SPATA21: variants seen among roughly 807,000 people sequenced by gnomAD.
SPATA21 encodes the protein spermatogenesis-associated protein 21.
SPATA21 carries 47 observed loss-of-function variants against 54.8 expected under a neutral mutation model. The observed-to-expected ratio is 0.86, with a 90% CI of 0.68 to 1.09. The LOEUF (loss-of-function observed/expected upper bound fraction) is 1.09, where lower values mean the gene tolerates loss of function less well. Among genes scored for constraint, SPATA21 ranks in the 50% least tolerant of loss-of-function variants. The probability of loss-of-function intolerance (pLI) is 0.00; values close to 1 mark genes in which losing one functional copy is unlikely to be tolerated. For missense variants in SPATA21, 599 were observed against 596.4 expected, an observed-to-expected ratio of 1.00 and a Z score of -0.05; for synonymous variants, 245 against 235.3, an observed-to-expected ratio of 1.04 and a Z score of -0.38.
At position 16,398,794 on chromosome 1, in the gene SPATA21, G is replaced by A. The variant is rs1283913326; in HGVS notation, c.1381C>T (p.Leu461Phe). 6.2e-7 allele frequency: 1 copy of A among 1,613,602 alleles called. No homozygotes were observed. Among genetic ancestry groups the A allele is most frequent in the African/African-American group, 1.3e-5 (1 of 74,896 alleles). The change falls in exon 13 of 13, where the codon CTC becomes TTC. Residue 461 changes from leucine to phenylalanine, a missense_variant. Physicochemically the swap from Leu to Phe is conservative, Grantham distance 22. Coordinates refer to ENST00000335496, the MANE Select transcript of SPATA21 (RefSeq NM_198546.1). Reference protein sequence around the residue: ...REHNSDSRKWLSSVPARTH With the variant: ...REHNSDSRKWFSSVPARTH ...TGGGTTCGAGCTGGCACAGAGCTGA[G>A]CCACTTTCTGCTGTCAGAGTTGTGT...
At chr1:16,432,114 C>CTTTT (rs35240103) in intron 2 of SPATA21, among the ~76,000 whole-genome samples, 12 of 133,098 alleles carry the variant, frequency 9.0e-5, no homozygotes, top group Non-Finnish European at 1.1e-4. Context: ...TCTTCTTCTT[C>CTTTT]TTTTTTTTTT....
intron 1 of SPATA21, among the ~76,000 whole-genome samples, chr1:16,436,504 G>A (rs1203787810): frequency 1.3e-5 from 2 of 151,826 alleles, no homozygotes; most frequent in East Asian, 1.9e-4. Flanking sequence ...GGTGGCTCAC[G>A]CCTGTAATCC....
chr1:16,409,981 G>C lies in SPATA21; in HGVS notation c.207C>G (p.Pro69=), dbSNP rs748253099. The C allele has an allele frequency of 2.2e-5, 35 of 1,604,964 alleles. No homozygotes were observed. Among genetic ancestry groups the C allele is most frequent in the Non-Finnish European group, 3.0e-5 (35 of 1,175,768 alleles). ...GGCTCTGTGTCCCTGCAGCCACCGCGGGCTTCTGAGGCTGCTGCTGCGCAC... is the reference window on the plus strand; with the variant it reads ...GGCTCTGTGTCCCTGCAGCCACCGCCGGCTTCTGAGGCTGCTGCTGCGCAC... The part of the protein sequence containing the change: ...PDRAQQQPQK[P]AVAAGTQSLG... The change falls in exon 6 of 13, where the codon CCC becomes CCG. Residue 69 remains proline, a synonymous_variant. Transcript: ENST00000335496. This position sits in a 1 kb window ranked among gnomAD's most constrained non-coding sequence, Gnocchi z 4.1.
intron 1 of SPATA21, among the ~76,000 whole-genome samples, chr1:16,435,802 G>A (rs1033522675): frequency 6.6e-6 from 1 of 151,810 alleles, no homozygotes; most frequent in Non-Finnish European, 1.5e-5. Flanking sequence ...ATTTATACTG[G>A]GTTGTCTTTT....
At chr1:16,435,659 A>T (rs1057101034) in intron 1 of SPATA21, among the ~76,000 whole-genome samples, 1 of 148,930 alleles carries the variant, frequency 6.7e-6, no homozygotes, top group African/African-American at 2.5e-5. Context: ...CTCTGTCCAC[A>T]GGCTGGACTG....
downstream of SPATA21, chr1:16,397,280 C>G (rs1212043913): frequency 6.6e-6 from 1 of 152,294 alleles, no homozygotes; most frequent in Non-Finnish European, 1.5e-5. This position sits in a 1 kb window ranked among gnomAD's most constrained non-coding sequence, Gnocchi z 5.4. Context: ...GTGCCTGTCA[C>G]CACCCACCAG....
chr1:16,406,361 TG>T (rs2085641383), intron 7 of SPATA21, among the ~76,000 whole-genome samples: 1 of 152,186 alleles, frequency 6.6e-6, no homozygotes, highest in South Asian at 2.1e-4. Flanking sequence ...TGCCTGTGTT[TG>T]AAGATAGGGC....
At chr1:16,420,521 G>GGAAA (rs752725922) in intron 5 of SPATA21, among the ~76,000 whole-genome samples, 8 of 152,010 alleles carry the variant, frequency 5.3e-5, no homozygotes, top group East Asian at 1.9e-4. Flanking sequence ...TCAAAAAAAA[G>GGAAA]GAAAGAAAGA....
chr1:16,423,159 G>GA (rs1487491955), intron 3 of SPATA21, among the ~76,000 whole-genome samples: 2 of 128,586 alleles, frequency 1.6e-5, no homozygotes, highest in Non-Finnish European at 1.7e-5. Context: ...TCTGTCTCTT[G>GA]AAAAAAAATA....
At position 16,400,812 on chromosome 1, in the gene SPATA21, T is replaced by C; in HGVS notation, c.1082A>G (p.Lys361Arg). The change falls in exon 11 of 13, where the codon AAG becomes AGG. Residue 361 changes from lysine to arginine, a missense_variant. By Grantham distance (26) the Lys-to-Arg change is conservative (BLOSUM62 2). Coordinates refer to ENST00000335496, the MANE Select transcript of SPATA21 (RefSeq NM_198546.1). ...TTCTTGCTGGGGGTTGTAGGGAAGC[T>C]TCTGCAACCGCAGCCGGCCTACGGC... is the stretch of plus-strand genomic sequence containing the variant. ...EAAVGRLRLQ[K>R]LPYNPQQEES... The C allele has an allele frequency of 6.2e-7, 1 of 1,614,176 alleles. No homozygotes were observed. The highest frequency in any genetic ancestry group is 8.5e-7 in the Non-Finnish European group (1 of 1,180,026).
chr1:16,420,246 A>G (rs2086131138), intron 5 of SPATA21, among the ~76,000 whole-genome samples: 1 of 152,056 alleles, frequency 6.6e-6, no homozygotes, highest in Non-Finnish European at 1.5e-5. Context: ...GATAAGCCAG[A>G]TGGAGATTAT....
chr1:16,427,956 T>C (rs1220557732), intron 3 of SPATA21: 1 of 1,550,124 alleles, frequency 6.5e-7, no homozygotes, highest in Non-Finnish European at 8.7e-7. Flanking sequence ...TCTCTGGCCC[T>C]CGTGAAGCTG....
chr1:16,410,055 G>C lies in SPATA21; in HGVS notation c.145-12C>G. 1 of 1,529,922 alleles carries C rather than the reference G, an allele frequency of 6.5e-7. No homozygotes were observed. The highest frequency in any genetic ancestry group is 8.8e-7 in the Non-Finnish European group (1 of 1,142,026). 94.8% of individuals were successfully genotyped at this position (1,529,922 alleles called of 1,614,324 possible). On this transcript the variant is annotated splice_polypyrimidine_tract_variant and intron_variant, in intron 5 of 12. Transcript: ENST00000335496. ...ATGTCCCTCACCTCCTGGGGACAGG[G>C]GAGGGGATCCAGGAGGCCTCTAGTG...
rs2086165055 is a variant in SPATA21, at chr1:16,421,341, G to A, written c.144+168C>T. ...CACAGGCACAGGCACACACACACAC[G>A]TGTGCACATCCATGTGCACTTTAAC... On this transcript the variant is annotated intron_variant, in intron 5 of 12. Coordinates refer to ENST00000335496, the MANE Select transcript of SPATA21 (RefSeq NM_198546.1). The surrounding 1 kb of genome is among the most constrained non-coding windows in gnomAD (Gnocchi z 5.2). 6.7e-6 allele frequency among the ~76,000 whole-genome samples: 1 copy of A among 150,116 alleles called. No individual in the cohort carries two copies. The highest frequency in any genetic ancestry group is 1.5e-5 in the Non-Finnish European group (1 of 67,834).
At position 16,398,863 on chromosome 1, in the gene SPATA21, C is replaced by T. The variant is rs770956900; in HGVS notation, c.1353-41G>A. On this transcript the variant is annotated intron_variant, in intron 12 of 12. Coordinates refer to ENST00000335496, the MANE Select transcript of SPATA21 (RefSeq NM_198546.1). ...GGGCAGAAGGGTGGGAGACATGTGGCCCTTTCCCTATCTGCCAGTATATGA... is the reference window on the plus strand; with the variant it reads ...GGGCAGAAGGGTGGGAGACATGTGGTCCTTTCCCTATCTGCCAGTATATGA... 1.5e-4 allele frequency: 246 copies of T among 1,591,130 alleles called. 3 individuals are homozygous for T. In the East Asian group the frequency reaches 5.2e-3, roughly 34 times the overall value.
intron 3 of SPATA21, 148 bp downstream of exon 3, chr1:16,431,190 G>A (rs1247881688): frequency 6.6e-7 from 1 of 1,518,672 alleles, no homozygotes; most frequent in Non-Finnish European, 8.9e-7. Context: ...CAGGGGAAGG[G>A]AAAGGTGCCA....
intron 3 of SPATA21, among the ~76,000 whole-genome samples, chr1:16,427,629 A>G (rs1346557897): frequency 6.6e-6 from 1 of 152,106 alleles, no homozygotes; most frequent in Non-Finnish European, 1.5e-5. Context: ...AACCAGGTAT[A>G]TGATGCTCCT....
rs748319177 is a variant in SPATA21 at position 16,409,850 on chromosome 1, G to A, written c.338C>T (p.Ser113Leu). ...GGGCACCGGGGTCAGGGTCCTGGGCGACTTCTGGGCTGTCTGGGACCGGGC... is the reference window on the plus strand; with the variant it reads ...GGGCACCGGGGTCAGGGTCCTGGGCAACTTCTGGGCTGTCTGGGACCGGGC... ...SKARSQTAQK[S>L]PRTLTPVPTS... The change falls in exon 6 of 13, where the codon TCG becomes TTG. Residue 113 changes from serine to leucine, a missense_variant. Transcript: ENST00000335496. This position sits in a 1 kb window ranked among gnomAD's most constrained non-coding sequence, Gnocchi z 4.1. 26 of 1,605,078 alleles carry A rather than the reference G, an allele frequency of 1.6e-5. No individual in the cohort carries two copies. The highest frequency in any genetic ancestry group is 2.2e-5 in the East Asian group (1 of 44,854).
intron 5 of SPATA21, among the ~76,000 whole-genome samples, chr1:16,416,613 G>T (rs891812922): frequency 7.3e-5 from 11 of 151,170 alleles, no homozygotes; most frequent in African/African-American, 2.4e-4. Context: ...GGGAGGTGGA[G>T]GTTGCAGTGA....
Sources: allele counts gnomAD v4.1 joint callset (sites outside exome capture counted in the v4.1 genomes callset), GRCh38; gene constraint gnomAD v4.1.1; non-coding constraint Gnocchi (gnomAD v3.1); transcripts MANE v1.5; gene names NCBI Gene and HGNC (gene_info 2026-07-23, HGNC 2026-07-21).